IMPG1: variants seen among roughly 807,000 people sequenced by gnomAD.
IMPG1 encodes the protein interphotoreceptor matrix proteoglycan of 150 kDa.
Under a neutral mutation model 92.0 loss-of-function variants are expected in IMPG1, and 85 were observed. That is an observed-to-expected ratio of 0.92 (90% CI 0.78 to 1.11). The LOEUF (loss-of-function observed/expected upper bound fraction) is 1.11. Among genes scored for constraint, IMPG1 ranks in the 50% least tolerant of loss-of-function variants. The probability of loss-of-function intolerance (pLI) is 0.00; values close to 1 mark genes in which losing one functional copy is unlikely to be tolerated. For synonymous variants in IMPG1, 367 were observed against 334.1 expected (o/e 1.10, Z -1.08); for missense variants, 1,022 against 956.0 (o/e 1.07, Z -0.91).
rs115686879 is a variant in IMPG1, at chr6:76,061,080, C to T, written c.67+11342G>A. Among the ~76,000 whole-genome samples the T allele has an allele frequency of 2.8e-3, 421 of 152,162 alleles. 2 individuals are homozygous for T. The highest frequency in any genetic ancestry group is 9.0e-3 in the African/African-American group (374 of 41,528). ...TTGCATTCTCATGATTAAACAGAAA[C>T]GGCTAAGAAAGTAGTAGGTCATTTC... is the stretch of plus-strand genomic sequence containing the variant. On this transcript the variant is annotated intron_variant, in intron 1 of 16. Transcript: ENST00000369950.
In IMPG1 at chr6:76,018,722, A is replaced by G. The variant is rs140491071; in HGVS notation, c.803T>C (p.Leu268Pro). 6.2e-6 allele frequency: 10 copies of G among 1,613,070 alleles called. No individual in the cohort carries two copies. The African/African-American group carries it at 1.3e-4, about 22-fold the overall frequency. Residue 268 changes from leucine (L) to proline (P), a missense_variant, in exon 7 of 17, where the codon CTT becomes CCT. Leu to Pro is a moderately conservative substitution (Grantham distance 98). Transcript: ENST00000369950. ...GTATGGGCCGGGTCTACTCACCTGAAGTTGGGACTTTCCTGCTAGCTCCTG... is the reference window on the plus strand; with the variant it reads ...GTATGGGCCGGGTCTACTCACCTGAGGTTGGGACTTTCCTGCTAGCTCCTG... ...YYQELAGKSQ[L>P]QMQKIFKKLP...
chr6:75,934,911 C>G (rs1478364404), intron 14 of IMPG1: 4 of 469,646 alleles, frequency 8.5e-6, no homozygotes, highest in South Asian at 6.2e-5. Context: ...TGCGCTGTCC[C>G]ATTTTACTCA....
intron 15 of IMPG1, 117 bp downstream of exon 15, chr6:75,930,836 C>T (rs956050302): frequency 1.1e-6 from 1 of 927,272 alleles, no homozygotes; most frequent in Non-Finnish European, 1.7e-6. Context: ...TTTCTACACT[C>T]ACTAAAGTTT....
At chr6:75,929,325 A>G (rs1222581178) in intron 15 of IMPG1, among the ~76,000 whole-genome samples, 1 of 152,022 alleles carries the variant, frequency 6.6e-6, no homozygotes, top group African/African-American at 2.4e-5. Context: ...GATTTCCCTG[A>G]TGATAGTGAG....
At chr6:76,036,541 T>A (rs1260273321) in intron 2 of IMPG1, among the ~76,000 whole-genome samples, 1 of 152,240 alleles carries the variant, frequency 6.6e-6, no homozygotes, top group Non-Finnish European at 1.5e-5. Context: ...TTTTTACATA[T>A]AAATCTTATA....
rs547979570 is a variant in IMPG1, at chr6:76,067,879, C to T, written c.67+4543G>A. The stretch of plus-strand genomic sequence containing the variant: ...TTATTCCAGGGATGCAAAGACGGTT[C>T]AGCATATACAAATCAATAAATGTGA... On this transcript the variant is annotated intron_variant, in intron 1 of 16. Transcript: ENST00000369950. Among the ~76,000 whole-genome samples the T allele has an allele frequency of 7.9e-5, 12 of 152,254 alleles. No individual in the cohort carries two copies. In the East Asian group the frequency reaches 2.3e-3, roughly 29 times the overall value.
chr6:75,971,334 G>C (rs1782411655), intron 12 of IMPG1, among the ~76,000 whole-genome samples: 1 of 126,646 alleles, frequency 7.9e-6, no homozygotes, highest in Non-Finnish European at 1.6e-5. Flanking sequence ...CGGGGGAGGG[G>C]GGAGGGATCG....
chr6:76,018,932 G>A (rs1309059891), intron 6 of IMPG1, 74 bp from the exon 7 acceptor site: 5 of 1,341,804 alleles, frequency 3.7e-6, no homozygotes, highest in Non-Finnish European at 5.0e-6. Flanking sequence ...GATAATATAT[G>A]TTGATACTGT....
intron 1 of IMPG1, among the ~76,000 whole-genome samples, chr6:76,055,248 A>T (rs1784101966): frequency 6.6e-6 from 1 of 152,128 alleles, no homozygotes; most frequent in Admixed American, 6.6e-5. Flanking sequence ...GTAAGCTAGA[A>T]ATTAGTGTGA....
chr6:76,030,471 C>G (rs1370866920), intron 4 of IMPG1, among the ~76,000 whole-genome samples: 1 of 152,084 alleles, frequency 6.6e-6, no homozygotes, highest in Admixed American at 6.6e-5. Context: ...TTAAAAAATG[C>G]CTTTTTCTCC....
chr6:76,043,074 G>A (rs1783872624), intron 1 of IMPG1, among the ~76,000 whole-genome samples: 3 of 152,040 alleles, frequency 2.0e-5, no homozygotes, highest in Admixed American at 1.3e-4. Flanking sequence ...GAAAGACCTA[G>A]TTTTTGATGT....
chr6:75,952,656 C>T (rs1018753091), intron 12 of IMPG1, among the ~76,000 whole-genome samples: 2 of 152,064 alleles, frequency 1.3e-5, no homozygotes, highest in African/African-American at 4.8e-5. Flanking sequence ...CCATGCAAAA[C>T]TTGTATGTTC....
chr6:75,942,896 A>T (rs1781858505), intron 14 of IMPG1, among the ~76,000 whole-genome samples: 1 of 152,242 alleles, frequency 6.6e-6, no homozygotes. Context: ...ATTGTATAGG[A>T]GTACTGATGC....
At chr6:76,017,243 C>T (rs1014008538) in intron 7 of IMPG1, among the ~76,000 whole-genome samples, 5 of 150,382 alleles carry the variant, frequency 3.3e-5, no homozygotes, top group African/African-American at 1.2e-4. Flanking sequence ...ATAGATGCCA[C>T]ACTCAGCATA....
intron 14 of IMPG1, among the ~76,000 whole-genome samples, chr6:75,938,372 T>C (rs1350574094): frequency 6.6e-6 from 1 of 152,358 alleles, no homozygotes; most frequent in Middle Eastern, 3.4e-3. Flanking sequence ...CTCCCAGTAT[T>C]GTGACCACAA....
chr6:76,026,060 G>A (rs973833292), intron 4 of IMPG1, among the ~76,000 whole-genome samples: 1 of 152,192 alleles, frequency 6.6e-6, no homozygotes, highest in African/African-American at 2.4e-5. Context: ...TCCTCTTCCT[G>A]TGTGGAACCT....
intron 14 of IMPG1, among the ~76,000 whole-genome samples, chr6:75,938,846 C>CAAAACAAAAA (rs1554227544): frequency 1.3e-5 from 2 of 149,942 alleles, no homozygotes; most frequent in Non-Finnish European, 1.5e-5. Flanking sequence ...CAAAACAAAA[C>CAAAACAAAAA]AAAAAAATAC....
intron 2 of IMPG1, among the ~76,000 whole-genome samples, chr6:76,036,198 T>G (rs1783739646): frequency 6.6e-6 from 1 of 152,182 alleles, no homozygotes; most frequent in African/African-American, 2.4e-5. Context: ...GGGATAAAAT[T>G]GATGTTAAAC....
chr6:76,069,874 G>T (rs891333404), intron 1 of IMPG1, among the ~76,000 whole-genome samples: 5 of 152,084 alleles, frequency 3.3e-5, no homozygotes, highest in Admixed American at 3.3e-4. Context: ...GTAAATTAAT[G>T]CAGGAACAGA....
Sources: gnomAD v4.1 joint callset for allele counts (sites outside exome capture counted in the v4.1 genomes callset) on GRCh38, gnomAD v4.1.1 for gene constraint, MANE v1.5 for transcripts, NCBI Gene and HGNC (gene_info 2026-07-23, HGNC 2026-07-21) for gene names.